The following ZNF91 variants were observed in gnomAD, a reference collection of about 807,000 sequenced individuals.
ZNF91 encodes zinc finger protein 91 (HPF7, HTF10).
A neutral mutation model predicts 12.6 loss-of-function variants in ZNF91; 7 were observed. The ratio of observed to expected loss-of-function variants is 0.55; its 90% CI spans 0.31 to 1.04. The LOEUF is 1.04. Among genes scored for constraint, ZNF91 ranks in the 50% least tolerant of loss-of-function variants. The probability of loss-of-function intolerance (pLI) is 0.05; values close to 1 mark genes in which losing one functional copy is unlikely to be tolerated. For missense variants in ZNF91, 1,217 were observed against 1,385.4 expected, an observed-to-expected ratio of 0.88 and a Z score of 1.93; for synonymous variants, 453 against 462.6, an observed-to-expected ratio of 0.98 and a Z score of 0.27.
upstream of ZNF91, among the ~76,000 whole-genome samples, chr19:23,313,923 C>T (rs1169231512): frequency 6.6e-6 from 1 of 152,090 alleles, no homozygotes; most frequent in Non-Finnish European, 1.5e-5. Context: ...GCTCTCATAG[C>T]CAGAACAGGG....
intron 1 of ZNF91, among the ~76,000 whole-genome samples, chr19:23,385,848 A>T (rs1568403247): frequency 6.6e-6 from 1 of 152,162 alleles, no homozygotes; most frequent in Non-Finnish European, 1.5e-5. Flanking sequence ...CCTATATATT[A>T]TATCTACATT....
chr19:23,316,907 C>T (rs376180589), intron 1 of ZNF91, among the ~76,000 whole-genome samples: 25 of 152,308 alleles, frequency 1.6e-4, no homozygotes, highest in African/African-American at 5.3e-4. Flanking sequence ...CACCCTTACA[C>T]GTGGACAGAG....
At chr19:23,366,010 C>T (rs1968992878) in intron 3 of ZNF91, among the ~76,000 whole-genome samples, 1 of 152,256 alleles carries the variant, frequency 6.6e-6, no homozygotes, top group South Asian at 2.1e-4. Flanking sequence ...TCAATCTTTT[C>T]CCCACCTTTC....
chr19:23,378,210 T>C (rs1969574963), intron 1 of ZNF91, among the ~76,000 whole-genome samples: 2 of 152,214 alleles, frequency 1.3e-5, no homozygotes, highest in Admixed American at 1.3e-4. Flanking sequence ...ATTTATCTGC[T>C]ATTGGGTTTC....
At chr19:23,341,799 T>C (rs538405026) in intron 3 of ZNF91, among the ~76,000 whole-genome samples, 1 of 152,274 alleles carries the variant, frequency 6.6e-6, no homozygotes, top group South Asian at 2.1e-4. Context: ...TCTTACACAT[T>C]TCAGACATGA....
downstream of ZNF91, among the ~76,000 whole-genome samples, chr19:23,335,341 C>G (rs1338471501): frequency 6.6e-6 from 1 of 152,216 alleles, no homozygotes; most frequent in Non-Finnish European, 1.5e-5. Flanking sequence ...AACCACTACT[C>G]TCTTCAAAGC....
intron 1 of ZNF91, among the ~76,000 whole-genome samples, chr19:23,331,798 A>G (rs1599694745): frequency 6.6e-6 from 1 of 152,136 alleles, no homozygotes; most frequent in East Asian, 1.9e-4. Flanking sequence ...GGAGAAGTGG[A>G]GTGGTTAACA....
intron 3 of ZNF91, among the ~76,000 whole-genome samples, chr19:23,363,988 CAAA>C (rs986344706): frequency 1.3e-5 from 2 of 148,320 alleles, no homozygotes; most frequent in Admixed American, 1.3e-4. Context: ...AAGTCACAGA[CAAA>C]AAAAAAATCT....
intron 1 of ZNF91, among the ~76,000 whole-genome samples, chr19:23,317,356 C>T (rs1208038448): frequency 6.6e-6 from 1 of 152,098 alleles, no homozygotes; most frequent in Non-Finnish European, 1.5e-5. Context: ...CCAGGTGACT[C>T]ATTTCTAAAC....
chr19:23,353,145 G>C (rs61546387), downstream of ZNF91, among the ~76,000 whole-genome samples: 619 of 152,144 alleles, frequency 4.1e-3, 3 homozygotes, highest in African/African-American at 0.014. Context: ...TCCAACAACC[G>C]CAGAACACAC....
intron 1 of ZNF91, among the ~76,000 whole-genome samples, chr19:23,375,313 C>G (rs1346441253): frequency 6.6e-6 from 1 of 152,062 alleles, no homozygotes; most frequent in African/African-American, 2.4e-5. Flanking sequence ...GTGCCCACCA[C>G]CACGCCCGGC....
intron 1 of ZNF91, among the ~76,000 whole-genome samples, chr19:23,330,347 A>AC (rs554861112): frequency 1.5e-3 from 233 of 151,966 alleles, no homozygotes; most frequent in African/African-American, 5.4e-3. Flanking sequence ...AAAAAAAAAA[A>AC]AGAAAGAAAG....
intron 1 of ZNF91, among the ~76,000 whole-genome samples, chr19:23,389,946 T>C (rs1970005407): frequency 6.6e-6 from 1 of 152,196 alleles, no homozygotes; most frequent in African/African-American, 2.4e-5. Context: ...ATAATGTTAC[T>C]GAAATTTACT....
chr19:23,320,638 G>A (rs1337296347), intron 1 of ZNF91, among the ~76,000 whole-genome samples: 1 of 152,186 alleles, frequency 6.6e-6, no homozygotes, highest in Non-Finnish European at 1.5e-5. Flanking sequence ...ATGATCCAAT[G>A]ACCTGCCTGC....
At chr19:23,366,392 C>A (rs916502739) in intron 3 of ZNF91, among the ~76,000 whole-genome samples, 6 of 152,078 alleles carry the variant, frequency 3.9e-5, no homozygotes, top group African/African-American at 1.4e-4. Flanking sequence ...ATTGTAGACA[C>A]CAAAATCCCA....
chr19:23,339,275 G>A (rs1044968944), intron 3 of ZNF91: 3 of 151,824 alleles, frequency 2.0e-5, no homozygotes, highest in Admixed American at 6.6e-5. Flanking sequence ...AACAAAAAAG[G>A]ATAAAGATCA....
At chr19:23,393,420 G>A (rs1404794208) in intron 1 of ZNF91, among the ~76,000 whole-genome samples, 2 of 152,096 alleles carry the variant, frequency 1.3e-5, no homozygotes, top group South Asian at 2.1e-4. Flanking sequence ...AGCACACATA[G>A]CCATGGTGGG....
At chr19:23,327,296 T>C (rs1293224048) in intron 1 of ZNF91, 1 of 152,198 alleles carries the variant, frequency 6.6e-6, no homozygotes, top group Non-Finnish European at 1.5e-5. Context: ...TACTTTATTG[T>C]TAAAAACAAC....
downstream of ZNF91, among the ~76,000 whole-genome samples, chr19:23,357,056 G>A (rs295369): frequency 0.1 from 15,772 of 152,138 alleles, 1,252 homozygotes; most frequent in East Asian, 0.37. Flanking sequence ...GTGAAACCCC[G>A]TCTCTACTAA....
Sources: gnomAD v4.1 joint callset for allele counts (sites outside exome capture counted in the v4.1 genomes callset) on GRCh38, gnomAD v4.1.1 for gene constraint, MANE v1.5 for transcripts, NCBI Gene and HGNC (gene_info 2026-07-23, HGNC 2026-07-21) for gene names.